PGBD5: variants seen among roughly 807,000 people sequenced by gnomAD.
PGBD5 encodes piggyBac transposable element-derived protein 5.
In PGBD5, 14 loss-of-function variants were observed where a neutral mutation model predicts 47.9. That is an observed-to-expected ratio of 0.29 (90% CI 0.19 to 0.46). The LOEUF is 0.46. Ranked by LOEUF, PGBD5 falls within the 20% of genes least tolerant of loss-of-function variation. The pLI is 1.00. For synonymous variants in PGBD5, 316 were observed against 306.3 expected, an observed-to-expected ratio of 1.03 and a Z score of -0.33; for missense variants, 635 against 716.0, an observed-to-expected ratio of 0.89 and a Z score of 1.29.
chr1:230,379,307 A>G (rs934322881), intron 1 of PGBD5, among the ~76,000 whole-genome samples: 1 of 151,890 alleles, frequency 6.6e-6, no homozygotes, highest in Non-Finnish European at 1.5e-5. Flanking sequence ...CCACTTCCAC[A>G]TCCCATCCAC....
At chr1:230,395,383 C>T (rs1656914585) in intron 1 of PGBD5, among the ~76,000 whole-genome samples, 1 of 43,842 alleles carries the variant, frequency 2.3e-5, no homozygotes, top group Non-Finnish European at 4.6e-5. Context: ...TCCTCATGCT[C>T]CTCCCCATCC....
chr1:230,375,261 T>C (rs1311738939), intron 1 of PGBD5, among the ~76,000 whole-genome samples: 2 of 152,216 alleles, frequency 1.3e-5, no homozygotes, highest in African/African-American at 4.8e-5. Context: ...GTCCTTTCCA[T>C]TGGCTGTAAA....
chr1:230,369,685 G>A (rs852696), intron 1 of PGBD5, among the ~76,000 whole-genome samples: 2 of 152,144 alleles, frequency 1.3e-5, no homozygotes, highest in South Asian at 4.1e-4. Context: ...GAGGCAGTAG[G>A]AAGGGTCCAT....
In PGBD5 at chr1:230,390,322, G is replaced by A. The variant is rs74146009; in HGVS notation, c.332-33001C>T. 5.3e-3 allele frequency among the ~76,000 whole-genome samples: 801 copies of A among 152,210 alleles called. 10 individuals carry two copies. Among genetic ancestry groups the A allele is most frequent in the African/African-American group, 0.018 (751 of 41,530 alleles). On this transcript the variant is annotated intron_variant, in intron 1 of 6. Coordinates refer to ENST00000391860, the MANE Select transcript of PGBD5 (RefSeq NM_001258311.2). ...TGGGTCTACACAGCCTTCCATCAGA[G>A]CTGGTTTCAGCTTCCTCACACCCTC...
At chr1:230,367,812 T>A (rs1667862241) in intron 1 of PGBD5, 1 of 1,103,286 alleles carries the variant, frequency 9.1e-7, no homozygotes, top group Non-Finnish European at 1.2e-6. Flanking sequence ...CTCTTCATCA[T>A]ATCAACCACT....
chr1:230,333,597 G>A (rs1377803920), intron 4 of PGBD5, among the ~76,000 whole-genome samples: 1 of 152,190 alleles, frequency 6.6e-6, no homozygotes, highest in Non-Finnish European at 1.5e-5. Context: ...GGCTGAACGC[G>A]AGCCCAGTGC....
intron 1 of PGBD5, among the ~76,000 whole-genome samples, chr1:230,381,723 G>T (rs1248724092): frequency 6.6e-6 from 1 of 152,118 alleles, no homozygotes; most frequent in Non-Finnish European, 1.5e-5. Context: ...CCACGCCCAG[G>T]GTTCCCGGAG....
rs6661732 is a variant in PGBD5 at position 230,362,522 on chromosome 1, G to A, written c.332-5201C>T. On this transcript the variant is annotated intron_variant, in intron 1 of 6. Coordinates refer to ENST00000391860, the MANE Select transcript of PGBD5 (RefSeq NM_001258311.2). ...GCTTCATGAAGCATCACCTTCTGGGGGAACCTCCTGACCCCCAGGCCAGCT... is the reference window on the plus strand; with the variant it reads ...GCTTCATGAAGCATCACCTTCTGGGAGAACCTCCTGACCCCCAGGCCAGCT... The A allele has an allele frequency of 2.1e-4, 237 of 1,145,612 alleles. 1 individual carries two copies. In the East Asian group the frequency reaches 0.012, roughly 59 times the overall value. The allele number at this position is 1,145,612 out of a possible 1,614,324, so 71.0% of individuals were successfully genotyped here.
intron 1 of PGBD5, among the ~76,000 whole-genome samples, chr1:230,388,529 C>T (rs1377548692): frequency 6.6e-6 from 1 of 151,972 alleles, no homozygotes; most frequent in Non-Finnish European, 1.5e-5. Flanking sequence ...CATTCTCCTG[C>T]CTCAGCTTCC....
At chr1:230,418,852 A>C (rs904107698) in intron 1 of PGBD5, among the ~76,000 whole-genome samples, 13 of 152,230 alleles carry the variant, frequency 8.5e-5, no homozygotes, top group Non-Finnish European at 2.9e-5. Context: ...CCATGTAAGA[A>C]TGCACTGTGC....
chr1:230,405,067 C>T (rs4846962), intron 1 of PGBD5, among the ~76,000 whole-genome samples: 12,793 of 149,426 alleles, frequency 0.086, 714 homozygotes, highest in South Asian at 0.22. Context: ...TGGTGGCAGG[C>T]GCCTGTAGTC....
chr1:230,352,706 G>A (rs1334960189), intron 2 of PGBD5, among the ~76,000 whole-genome samples: 1 of 152,124 alleles, frequency 6.6e-6, no homozygotes, highest in African/African-American at 2.4e-5. Flanking sequence ...TGGCCCTCAC[G>A]CCTGGCTTCT....
At chr1:230,388,152 T>TG (rs1656692938) in intron 1 of PGBD5, among the ~76,000 whole-genome samples, 1 of 152,200 alleles carries the variant, frequency 6.6e-6, no homozygotes, top group Non-Finnish European at 1.5e-5. Flanking sequence ...TGCATGAGGA[T>TG]GGCCAAGACG....
chr1:230,403,861 C>G (rs75858596), intron 1 of PGBD5, among the ~76,000 whole-genome samples: 12,975 of 152,194 alleles, frequency 0.085, 716 homozygotes, highest in South Asian at 0.22. Flanking sequence ...GAAACAGACA[C>G]ACCCCCAGAA....
chr1:230,325,274 A>AAC, intron 6 of PGBD5, 36 bp downstream of exon 6: 1 of 1,454,418 alleles, frequency 6.9e-7, no homozygotes, highest in Non-Finnish European at 9.6e-7. Context: ...CACAACTATG[A>AAC]GAGCCCTTCT....
intron 1 of PGBD5, among the ~76,000 whole-genome samples, chr1:230,423,935 G>A (rs1213012457): frequency 6.6e-6 from 1 of 152,198 alleles, no homozygotes; most frequent in Admixed American, 6.5e-5. Flanking sequence ...TGGCTCTGCT[G>A]CAGAATTTCT....
chr1:230,392,274 G>T (rs927006108), intron 1 of PGBD5, among the ~76,000 whole-genome samples: 2 of 152,158 alleles, frequency 1.3e-5, no homozygotes, highest in Non-Finnish European at 2.9e-5. Context: ...CTGACCCACG[G>T]CCCTGGAGGG....
At chr1:230,406,979 C>G (rs751890394) in intron 1 of PGBD5, among the ~76,000 whole-genome samples, 3 of 152,182 alleles carry the variant, frequency 2.0e-5, no homozygotes, top group African/African-American at 7.2e-5. Flanking sequence ...GAATTACAGG[C>G]GTGCACCACC....
Position 230,350,928 on chromosome 1 carries a change from G to A in PGBD5, c.894+30C>T, listed in dbSNP as rs780392295. 9.3e-6 allele frequency: 15 copies of A among 1,608,450 alleles called. No individual in the cohort carries two copies. The East Asian group carries it at 1.1e-4, about 12-fold the overall frequency. ...ATTTTCTTCCCCGACCCTCTTCACC[G>A]ACCCTCCCCGGGCTCAGCCCAGGGC... On this transcript the variant is annotated intron_variant, in intron 3 of 6. Transcript: ENST00000391860.
Sources: gnomAD v4.1 joint callset for allele counts (sites outside exome capture counted in the v4.1 genomes callset) on GRCh38, gnomAD v4.1.1 for gene constraint, MANE v1.5 for transcripts, NCBI Gene and HGNC (gene_info 2026-07-23, HGNC 2026-07-21) for gene names.